The following SNX9 variants were observed in gnomAD, a reference collection of about 807,000 sequenced individuals.
SNX9 encodes sorting nexin 9, also known as sorting nexin-9.
SNX9 carries 44 observed loss-of-function variants against 89.4 expected under a neutral mutation model. The ratio of observed to expected loss-of-function variants is 0.49; its 90% CI spans 0.39 to 0.63. SNX9 has a LOEUF of 0.63. SNX9 is among the 30% of genes least tolerant of loss of function. SNX9 has a pLI of 0.00. For synonymous variants in SNX9, 236 were observed against 247.8 expected (o/e 0.95, Z 0.45); for missense variants, 578 against 736.1 (o/e 0.79, Z 2.49).
chr6:157,877,916 A>G (rs536844182), intron 4 of SNX9, among the ~76,000 whole-genome samples: 4 of 152,156 alleles, frequency 2.6e-5, no homozygotes, highest in Admixed American at 2.6e-4. Flanking sequence ...TGAGTGTCGT[A>G]TTTTTCTTTA....
chr6:157,900,026 A>G (rs1236398645), intron 5 of SNX9, among the ~76,000 whole-genome samples: 1 of 152,114 alleles, frequency 6.6e-6, no homozygotes, highest in Non-Finnish European at 1.5e-5. Context: ...CATGCTGTAC[A>G]TGAGATCTCT....
intron 9 of SNX9, among the ~76,000 whole-genome samples, chr6:157,921,289 A>G (rs1222926707): frequency 6.6e-6 from 1 of 152,238 alleles, no homozygotes; most frequent in Non-Finnish European, 1.5e-5. Context: ...CAATATGTGA[A>G]TATGTTAAAT....
chr6:157,848,793 G>C (rs1415783590), intron 1 of SNX9, among the ~76,000 whole-genome samples: 1 of 152,200 alleles, frequency 6.6e-6, no homozygotes, highest in Admixed American at 6.5e-5. Flanking sequence ...GATAGGGGAA[G>C]GGTAGTGTTA....
chr6:157,927,269 C>A, intron 11 of SNX9, 55 bp downstream of exon 11: 2 of 1,302,368 alleles, frequency 1.5e-6, no homozygotes, highest in Non-Finnish European at 2.2e-6. Flanking sequence ...CCTCCTTTGG[C>A]CATCAGGCTT....
intron 7 of SNX9, 127 bp from the exon 8 acceptor site, chr6:157,909,538 A>C (rs1783294093): frequency 9.0e-7 from 1 of 1,106,380 alleles, no homozygotes; most frequent in Non-Finnish European, 1.3e-6. Flanking sequence ...TGTACCTTTC[A>C]AAGAGGAACA....
At chr6:157,896,734 C>A (rs1020571999) in intron 4 of SNX9, 93 bp from the exon 5 acceptor site, 4 of 1,338,042 alleles carry the variant, frequency 3.0e-6, no homozygotes, top group Non-Finnish European at 4.2e-6. Flanking sequence ...TTTTAGTACT[C>A]CTGTTGTATT....
chr6:157,869,593 C>G (rs1470788369), intron 2 of SNX9, among the ~76,000 whole-genome samples: 1 of 152,180 alleles, frequency 6.6e-6, no homozygotes, highest in Non-Finnish European at 1.5e-5. Context: ...CTGCCAGCGC[C>G]CTGAGCTAAG....
chr6:157,842,239 C>G (rs184625962), intron 1 of SNX9, among the ~76,000 whole-genome samples: 178 of 152,306 alleles, frequency 1.2e-3, no homozygotes, highest in African/African-American at 3.2e-3. Context: ...AGTGCCATCT[C>G]TTACTGGTTG....
At chr6:157,922,612 A>G (rs1315554741) in intron 10 of SNX9, among the ~76,000 whole-genome samples, 1 of 152,224 alleles carries the variant, frequency 6.6e-6, no homozygotes, top group Non-Finnish European at 1.5e-5. Flanking sequence ...AGGTGTATGC[A>G]TACACTTAAC....
At chr6:157,908,864 C>G (rs1783275315) in intron 7 of SNX9, among the ~76,000 whole-genome samples, 1 of 152,164 alleles carries the variant, frequency 6.6e-6, no homozygotes, top group African/African-American at 2.4e-5. Flanking sequence ...AACTTTTGCC[C>G]TAGTCACAGA....
chr6:157,882,481 A>G (rs568510285), intron 4 of SNX9, among the ~76,000 whole-genome samples: 56 of 152,336 alleles, frequency 3.7e-4, no homozygotes, highest in Non-Finnish European at 6.3e-4. Flanking sequence ...TCGCAAGGCT[A>G]TGGCTGCCAT....
chr6:157,908,608 T>A (rs977240273), intron 7 of SNX9, among the ~76,000 whole-genome samples: 1 of 152,142 alleles, frequency 6.6e-6, no homozygotes, highest in Non-Finnish European at 1.5e-5. Context: ...GTACATGAGC[T>A]CCAGCATCCA....
In SNX9 at chr6:157,826,815, A is replaced by ATTATATTTTAT. The variant is rs1562585891; in HGVS notation, c.12+3369_12+3370insTTATATTTTAT. The stretch of plus-strand genomic sequence containing the variant: ...ATATATATATTATATTTTATATATA[A>ATTATATTTTAT]ATATATATTATATTTTATATATATA... On this transcript the variant is annotated intron_variant, in intron 1 of 17. Transcript: ENST00000392185. Among the ~76,000 whole-genome samples the ATTATATTTTAT allele has an allele frequency of 3.5e-4, 38 of 107,350 alleles. 1 individual carries two copies. The highest frequency in any genetic ancestry group is 1.9e-3 in the African/African-American group (35 of 18,646). The allele number at this position is 107,350 out of a possible 152,430, so 70.4% of individuals were successfully genotyped here.
chr6:157,893,017 A>G (rs946457463), intron 4 of SNX9, among the ~76,000 whole-genome samples: 4 of 152,206 alleles, frequency 2.6e-5, no homozygotes, highest in African/African-American at 9.6e-5. Flanking sequence ...TGCTGTACCA[A>G]TGATAGTCTG....
intron 2 of SNX9, among the ~76,000 whole-genome samples, chr6:157,869,245 T>C (rs1179479519): frequency 6.6e-6 from 1 of 152,184 alleles, no homozygotes; most frequent in Non-Finnish European, 1.5e-5. Flanking sequence ...TTCAGCCCAT[T>C]TCTTTACACT....
Position 157,846,821 on chromosome 6 carries a change from C to T in SNX9, c.13-20726C>T, listed in dbSNP as rs772378741. On this transcript the variant is annotated intron_variant, in intron 1 of 17. Transcript: ENST00000392185. ...CAGCACTTTGGGAGGCCAAGGCAGG[C>T]GGATCACTTGAGGCCAGGAGTTTGA... Among the ~76,000 whole-genome samples, 4 of 152,054 alleles carry T rather than the reference C, an allele frequency of 2.6e-5. No homozygotes were observed. In the South Asian group the frequency reaches 6.2e-4, roughly 24 times the overall value.
chr6:157,830,851 C>T (rs1306614459), intron 1 of SNX9, among the ~76,000 whole-genome samples: 5 of 152,104 alleles, frequency 3.3e-5, no homozygotes, highest in Admixed American at 6.5e-5. Flanking sequence ...TGAAAAGGAC[C>T]GATGGAAATC....
intron 6 of SNX9, among the ~76,000 whole-genome samples, chr6:157,905,273 T>C (rs1220702201): frequency 1.3e-5 from 2 of 152,210 alleles, no homozygotes; most frequent in East Asian, 3.8e-4. Flanking sequence ...GGCCTTTGGC[T>C]TGGCACATGA....
intron 3 of SNX9, 185 bp from the exon 4 acceptor site, chr6:157,874,866 T>G: frequency 1.9e-6 from 1 of 525,006 alleles, no homozygotes; most frequent in South Asian, 3.9e-5. Flanking sequence ...TAAAAAATAG[T>G]TTGAACTAAA....
Sources: allele counts gnomAD v4.1 joint callset (sites outside exome capture counted in the v4.1 genomes callset), GRCh38; gene constraint gnomAD v4.1.1; transcripts MANE v1.5; gene names NCBI Gene and HGNC (gene_info 2026-07-23, HGNC 2026-07-21).